Variants in ARSG observed in about 807,000 individuals in gnomAD.
ARSG encodes ASG.
Under a neutral mutation model 50.5 loss-of-function variants are expected in ARSG, and 37 were observed. The ratio of observed to expected loss-of-function variants is 0.73; its 90% CI spans 0.56 to 0.96. The LOEUF (loss-of-function observed/expected upper bound fraction) is 0.96, where lower values mean the gene tolerates loss of function less well. Among genes scored for constraint, ARSG ranks in the 50% least tolerant of loss-of-function variants. The pLI is 0.00. For synonymous variants in ARSG, 225 were observed against 254.6 expected (o/e 0.88, Z 1.11); for missense variants, 629 against 675.3 (o/e 0.93, Z 0.76).
chr17:68,288,393 A>C (rs2075893023), upstream of ARSG, among the ~76,000 whole-genome samples: 1 of 152,190 alleles, frequency 6.6e-6, no homozygotes, highest in Non-Finnish European at 1.5e-5. Context: ...GAACTCATTT[A>C]TGCAGAAGCC....
chr17:68,438,937 C>A, the ARSG span, among the ~76,000 whole-genome samples: 1 of 152,094 alleles, frequency 6.6e-6, no homozygotes, highest in Non-Finnish European at 1.5e-5. Context: ...GTTAAAAACA[C>A]GATGAGATAC....
Position 68,376,276 on chromosome 17 carries a change from C to CGTTTT in ARSG, c.982+5752_982+5753insGTTTT, listed in dbSNP as rs149045241. On this transcript the variant is annotated intron_variant, in intron 8 of 11. Transcript: ENST00000621439. ...CAGGAGTGTGCCACTGCGCCCCCTGCATTTTTTTTTTTTTTTCTGAGATAG... is the reference window on the plus strand; with the variant it reads ...CAGGAGTGTGCCACTGCGCCCCCTGCGTTTTATTTTTTTTTTTTTTTCTGAGATAG... Among the ~76,000 whole-genome samples the CGTTTT allele has an allele frequency of 5.0e-3, 665 of 131,914 alleles. 88 individuals carry two copies. Among genetic ancestry groups the CGTTTT allele is most frequent in the Admixed American group, 6.1e-3 (78 of 12,728 alleles). 86.5% of individuals were successfully genotyped at this position (131,914 alleles called of 152,430 possible).
At chr17:68,417,473 T>TG (rs908161547) in intron 11 of ARSG, among the ~76,000 whole-genome samples, 2 of 151,870 alleles carry the variant, frequency 1.3e-5, no homozygotes, top group African/African-American at 4.8e-5. Flanking sequence ...GGTGCCGCGG[T>TG]GGGGGGTGGC....
intron 2 of ARSG, among the ~76,000 whole-genome samples, chr17:68,327,613 C>T (rs2077558466): frequency 6.6e-6 from 1 of 152,200 alleles, no homozygotes; most frequent in African/African-American, 2.4e-5. Flanking sequence ...CATCAAGACC[C>T]ACTCTACTTC....
At chr17:68,379,543 G>C (rs1280059453) in intron 8 of ARSG, among the ~76,000 whole-genome samples, 4 of 149,662 alleles carry the variant, frequency 2.7e-5, no homozygotes, top group Non-Finnish European at 5.9e-5. Flanking sequence ...CTCCCAGAGT[G>C]CTGGTGTTAC....
At chr17:68,272,308 A>G (rs1457562366) in intron 1 of ARSG, among the ~76,000 whole-genome samples, 1 of 152,230 alleles carries the variant, frequency 6.6e-6, no homozygotes, top group African/African-American at 2.4e-5. Context: ...CTAAATCCAC[A>G]TTGAATGTAG....
At chr17:68,360,357 TG>T (rs1038269241) in intron 6 of ARSG, among the ~76,000 whole-genome samples, 5 of 152,186 alleles carry the variant, frequency 3.3e-5, no homozygotes, top group African/African-American at 1.2e-4. Flanking sequence ...TCCATGACTC[TG>T]GCCCCTGCCT....
chr17:68,442,149 A>G, the ARSG span, among the ~76,000 whole-genome samples: 619 of 152,304 alleles, frequency 4.1e-3, 7 homozygotes, highest in African/African-American at 0.014. Flanking sequence ...ACAGAAAAAC[A>G]ACTATATTTG....
rs782713311 is a variant in ARSG at position 68,271,571 on chromosome 17, C to T, written c.-552+12145C>T. 11 of 1,614,088 alleles carry T rather than the reference C, an allele frequency of 6.8e-6. No homozygotes were observed. The highest frequency in any genetic ancestry group is 9.3e-6 in the Non-Finnish European group (11 of 1,180,002). On this transcript the variant is annotated intron_variant, in intron 1 of 11. Transcript: ENST00000448504. This position sits in a 1 kb window ranked among gnomAD's most constrained non-coding sequence, Gnocchi z 5.3. ...ATAAAGATGGGTCTGAGCAGTGCTC[C>T]GAAGATGACAATGTTTAACTGTAGT...
downstream of ARSG, among the ~76,000 whole-genome samples, chr17:68,424,746 G>A (rs373139837): frequency 7.4e-4 from 112 of 152,228 alleles, 1 homozygote; most frequent in Middle Eastern, 3.4e-3. Flanking sequence ...GCATGGTGGC[G>A]CACATCTGTA....
chr17:68,370,360 G>A (rs779617369), intron 7 of ARSG, 84 bp from the exon 8 acceptor site: 56 of 1,235,980 alleles, frequency 4.5e-5, no homozygotes, highest in South Asian at 6.3e-5. Context: ...CCTGCTCTGC[G>A]CAAGGGATAT....
intron 1 of ARSG, among the ~76,000 whole-genome samples, chr17:68,265,291 C>T (rs182609953): frequency 1.0e-4 from 15 of 149,212 alleles, no homozygotes; most frequent in African/African-American, 3.7e-4. Context: ...GTCAGGAGTT[C>T]GAGACCAGCC....
intron 1 of ARSG, among the ~76,000 whole-genome samples, chr17:68,294,993 G>A (rs2076155424): frequency 6.6e-6 from 1 of 152,194 alleles, no homozygotes; most frequent in African/African-American, 2.4e-5. Flanking sequence ...AGAGTTGTGT[G>A]CATGGCTTAG....
chr17:68,428,501 G>T, the ARSG span: 1 of 215,794 alleles, frequency 4.6e-6, no homozygotes, highest in Non-Finnish European at 9.4e-6. Flanking sequence ...CCAAAGTGCC[G>T]GGATTACAGG....
chr17:68,411,961 T>C (rs2082024670), intron 11 of ARSG, among the ~76,000 whole-genome samples: 1 of 151,986 alleles, frequency 6.6e-6, no homozygotes, highest in African/African-American at 2.4e-5. Flanking sequence ...TTTTTTGTTT[T>C]CCATTTGCTT....
At chr17:68,261,922 G>A (rs1599464860) in intron 1 of ARSG, among the ~76,000 whole-genome samples, 1 of 152,012 alleles carries the variant, frequency 6.6e-6, no homozygotes, top group East Asian at 1.9e-4. Context: ...GGAGGCTGAA[G>A]CAGGTAGATC....
chr17:68,271,944 AGGC>A lies in ARSG; in HGVS notation c.-552+12520_-552+12522del, dbSNP rs1168797641. 6.6e-6 allele frequency among the ~76,000 whole-genome samples: 1 copy of A among 152,174 alleles called. No individual in the cohort carries two copies. Among genetic ancestry groups the A allele is most frequent in the Non-Finnish European group, 1.5e-5 (1 of 68,028 alleles). ...CAGCCTCCTGAGTAGCTGGGACTAT[AGGC>A]GTGCGCCACCACGACCAGCCAATTT... On this transcript the variant is annotated intron_variant, in intron 1 of 11. Transcript: ENST00000448504. This position sits in a 1 kb window ranked among gnomAD's most constrained non-coding sequence, Gnocchi z 5.3.
intron 9 of ARSG, among the ~76,000 whole-genome samples, chr17:68,393,205 C>T (rs2081077279): frequency 1.3e-5 from 2 of 152,162 alleles, no homozygotes; most frequent in Non-Finnish European, 2.9e-5. Flanking sequence ...TTTTAGTTAC[C>T]TGTGATCAAC....
chr17:68,422,833 G>A (rs893034449), downstream of ARSG: 2 of 149,672 alleles, frequency 1.3e-5, no homozygotes, highest in Non-Finnish European at 3.0e-5. Context: ...ACAAAATACA[G>A]AGACTTGTAC....
Sources: gnomAD v4.1 joint callset for allele counts (sites outside exome capture counted in the v4.1 genomes callset) on GRCh38, gnomAD v4.1.1 for gene constraint, Gnocchi (gnomAD v3.1) non-coding constraint, MANE v1.5 for transcripts, NCBI Gene and HGNC (gene_info 2026-07-23, HGNC 2026-07-21) for gene names.